Variants in FHIT observed in about 807,000 individuals in gnomAD.
FHIT encodes bis(5'-adenosyl)-triphosphatase.
Under a neutral mutation model 17.9 loss-of-function variants are expected in FHIT, and 19 were observed. The observed-to-expected ratio is 1.06, with a 90% CI of 0.74 to 1.56. The LOEUF (loss-of-function observed/expected upper bound fraction) is 1.56. Ranked by LOEUF, FHIT falls within the 40% of genes most tolerant of loss-of-function variation. FHIT has a pLI of 0.00. For missense variants in FHIT, 248 were observed against 189.2 expected (o/e 1.31, Z -1.82); for synonymous variants, 81 against 69.7 (o/e 1.16, Z -0.81).
At chr3:60,523,613 C>T (rs2035458872) in intron 5 of FHIT, among the ~76,000 whole-genome samples, 2 of 152,274 alleles carry the variant, frequency 1.3e-5, no homozygotes, top group South Asian at 2.1e-4. Flanking sequence ...TACAGAGCTG[C>T]TCCAGACTTC....
At chr3:60,670,747 A>G (rs9862122) in intron 4 of FHIT, among the ~76,000 whole-genome samples, 7,389 of 152,292 alleles carry the variant, frequency 0.049, 620 homozygotes, top group African/African-American at 0.17. Context: ...GAAAGCAAGC[A>G]ATGTTCCAGT....
At chr3:60,934,472 C>G (rs1868225) in intron 3 of FHIT, among the ~76,000 whole-genome samples, 90,958 of 151,968 alleles carry the variant, frequency 0.6, 27,522 homozygotes, top group East Asian at 0.67. Flanking sequence ...GGCCGCTGGA[C>G]AGATGGTTAT....
At chr3:60,675,969 C>T (rs1553695281) in intron 4 of FHIT, among the ~76,000 whole-genome samples, 1 of 152,126 alleles carries the variant, frequency 6.6e-6, no homozygotes, top group African/African-American at 2.4e-5. Flanking sequence ...AAATACAATG[C>T]CTGGCTAGAG....
At chr3:60,177,038 A>G (rs997772822) in intron 5 of FHIT, among the ~76,000 whole-genome samples, 2 of 152,180 alleles carry the variant, frequency 1.3e-5, no homozygotes, top group African/African-American at 4.8e-5. Context: ...AAATGCTCAT[A>G]GGGAGACTGG....
chr3:60,524,521 A>T lies in FHIT; in HGVS notation c.103+12339T>A, dbSNP rs368184940. On this transcript the variant is annotated intron_variant, in intron 5 of 9. Coordinates refer to ENST00000492590, the MANE Select transcript of FHIT (RefSeq NM_002012.4). Reference sequence around the variant, plus strand: ...AATCTAGTGTGGTTGGATCTGAGCGAATGTGGGGAGCTTTGAAAGTTGTAT... The same window carrying T: ...AATCTAGTGTGGTTGGATCTGAGCGTATGTGGGGAGCTTTGAAAGTTGTAT... Among the ~76,000 whole-genome samples, 111 of 152,288 alleles carry T rather than the reference A, an allele frequency of 7.3e-4. No individual in the cohort carries two copies. In the East Asian group the frequency reaches 0.014, roughly 19 times the overall value.
chr3:60,017,047 GA>G (rs1431244112), intron 5 of FHIT, among the ~76,000 whole-genome samples: 1 of 152,144 alleles, frequency 6.6e-6, no homozygotes, highest in Non-Finnish European at 1.5e-5. Flanking sequence ...CCGTCTGTCC[GA>G]TTCTAAAGTT....
intron 2 of FHIT, among the ~76,000 whole-genome samples, chr3:61,106,295 T>C (rs968271294): frequency 2.6e-5 from 4 of 152,214 alleles, no homozygotes; most frequent in Admixed American, 6.5e-5. Context: ...TGCCCAGTTA[T>C]GATTTGTGTG....
chr3:61,123,464 A>G (rs1388913779), intron 2 of FHIT, among the ~76,000 whole-genome samples: 1 of 152,112 alleles, frequency 6.6e-6, no homozygotes, highest in Non-Finnish European at 1.5e-5. Flanking sequence ...ACAAACCTGC[A>G]CATTCTGCAC....
chr3:60,766,367 C>T (rs1457628019), intron 4 of FHIT, among the ~76,000 whole-genome samples: 1 of 152,146 alleles, frequency 6.6e-6, no homozygotes, highest in African/African-American at 2.4e-5. Context: ...CCAATCTGGG[C>T]AGCCTGTCCG....
At chr3:60,363,423 G>A (rs1346812226) in intron 5 of FHIT, among the ~76,000 whole-genome samples, 2 of 152,126 alleles carry the variant, frequency 1.3e-5, no homozygotes, top group Non-Finnish European at 2.9e-5. Context: ...TGGCTACAAT[G>A]TATTGAGCAC....
intron 1 of FHIT, among the ~76,000 whole-genome samples, chr3:61,222,833 C>T (rs986361622): frequency 3.9e-5 from 6 of 152,030 alleles, no homozygotes; most frequent in South Asian, 2.1e-4. Flanking sequence ...GCATCTGTCA[C>T]GAATTTTGAT....
chr3:60,853,368 G>A (rs1703231648), intron 3 of FHIT, among the ~76,000 whole-genome samples: 1 of 152,058 alleles, frequency 6.6e-6, no homozygotes, highest in Non-Finnish European at 1.5e-5. Flanking sequence ...CAAAATCGCT[G>A]TTTGGAACAA....
At chr3:60,650,305 A>G (rs1484269218) in intron 4 of FHIT, among the ~76,000 whole-genome samples, 2 of 152,218 alleles carry the variant, frequency 1.3e-5, no homozygotes, top group Admixed American at 6.5e-5. Context: ...CATAGTAAGG[A>G]ATTTGCAATG....
chr3:60,508,932 C>T (rs1041338828), intron 5 of FHIT, among the ~76,000 whole-genome samples: 3 of 152,162 alleles, frequency 2.0e-5, no homozygotes, highest in Admixed American at 6.5e-5. Flanking sequence ...TAAAGACGAA[C>T]GTGATAGTAT....
intron 8 of FHIT, among the ~76,000 whole-genome samples, chr3:59,846,535 TATTG>T (rs1484105408): frequency 6.6e-6 from 1 of 152,160 alleles, no homozygotes; most frequent in African/African-American, 2.4e-5. Flanking sequence ...GTTATAATAA[TATTG>T]ATTTTTAGAC....
chr3:60,614,039 G>A (rs2038866245), intron 4 of FHIT, among the ~76,000 whole-genome samples: 1 of 152,096 alleles, frequency 6.6e-6, no homozygotes, highest in Non-Finnish European at 1.5e-5. Context: ...TACAGGTTGT[G>A]GGTGGGTGGA....
intron 4 of FHIT, among the ~76,000 whole-genome samples, chr3:60,811,058 T>A (rs148574510): frequency 6.6e-6 from 1 of 152,178 alleles, no homozygotes; most frequent in Non-Finnish European, 1.5e-5. Context: ...TTATGAAACA[T>A]GGACAATAAC....
chr3:60,988,167 A>G (rs897023111), intron 3 of FHIT, among the ~76,000 whole-genome samples: 9 of 152,242 alleles, frequency 5.9e-5, no homozygotes, highest in African/African-American at 2.2e-4. Context: ...AAACCAGCAC[A>G]TGATCATTTC....
At chr3:60,963,750 T>A (rs1265853341) in intron 3 of FHIT, among the ~76,000 whole-genome samples, 1 of 152,092 alleles carries the variant, frequency 6.6e-6, no homozygotes, top group African/African-American at 2.4e-5. Context: ...TTTGAATGAG[T>A]TTCTTAATCC....
Sources: gnomAD v4.1 joint callset for allele counts (sites outside exome capture counted in the v4.1 genomes callset) on GRCh38, gnomAD v4.1.1 for gene constraint, MANE v1.5 for transcripts, NCBI Gene and HGNC (gene_info 2026-07-23, HGNC 2026-07-21) for gene names.